The following ADAM18 variants were observed in gnomAD, a reference collection of about 807,000 sequenced individuals.
The protein encoded by ADAM18 is disintegrin and metalloproteinase domain-containing protein 18.
A neutral mutation model predicts 94.4 loss-of-function variants in ADAM18; 117 were observed. That is an observed-to-expected ratio of 1.24 (90% CI 1.07 to 1.45). ADAM18 has a LOEUF of 1.45. Ranked by LOEUF, ADAM18 falls within the 40% of genes most tolerant of loss-of-function variation. ADAM18 has a pLI of 0.00. For synonymous variants in ADAM18, 327 were observed against 291.6 expected, an observed-to-expected ratio of 1.12 and a Z score of -1.24; for missense variants, 936 against 880.0, an observed-to-expected ratio of 1.06 and a Z score of -0.81.
Position 39,729,895 on chromosome 8 carries a change from T to C in ADAM18, c.2178-3T>C. On this transcript the variant is annotated splice_polypyrimidine_tract_variant and splice_region_variant and intron_variant, in intron 19 of 19. Transcript: ENST00000265707. ...CTATTTTTTCTGTTTTTCTTCACTA[T>C]AGTAATTCATCCGTTGTATCAGAAA... The C allele has an allele frequency of 1.9e-6, 3 of 1,612,982 alleles. No individual in the cohort carries two copies. The highest frequency in any genetic ancestry group is 1.7e-6 in the Non-Finnish European group (2 of 1,178,940).
At chr8:39,683,073 T>G (rs1403081629) in intron 16 of ADAM18, among the ~76,000 whole-genome samples, 1 of 152,174 alleles carries the variant, frequency 6.6e-6, no homozygotes, top group East Asian at 1.9e-4. Context: ...GGAATATAAC[T>G]TGCAACATTA....
intron 16 of ADAM18, among the ~76,000 whole-genome samples, chr8:39,689,145 A>G (rs1337904679): frequency 6.6e-6 from 1 of 151,966 alleles, no homozygotes; most frequent in Admixed American, 6.6e-5. Context: ...ATTTTCTGCC[A>G]TTCTGTAGGC....
chr8:39,602,345 G>A (rs910722421), intron 2 of ADAM18, among the ~76,000 whole-genome samples: 20 of 152,080 alleles, frequency 1.3e-4, no homozygotes, highest in Non-Finnish European at 1.3e-4. Flanking sequence ...ACCAACATTT[G>A]CTGTTGCTTG....
At chr8:39,699,538 A>G (rs1178633792) in intron 17 of ADAM18, among the ~76,000 whole-genome samples, 1 of 152,100 alleles carries the variant, frequency 6.6e-6, no homozygotes, top group Non-Finnish European at 1.5e-5. Context: ...TGTTAATATT[A>G]TATATGAATT....
At chr8:39,654,356 C>T (rs991558036) in intron 12 of ADAM18, among the ~76,000 whole-genome samples, 27 of 151,220 alleles carry the variant, frequency 1.8e-4, no homozygotes, top group African/African-American at 3.0e-4. Flanking sequence ...AGGCGTGAGC[C>T]GCCGCACCTG....
At chr8:39,726,472 A>G (rs201998) in intron 19 of ADAM18, among the ~76,000 whole-genome samples, 11,172 of 152,076 alleles carry the variant, frequency 0.073, 538 homozygotes, top group Middle Eastern at 0.14. Flanking sequence ...TCAGATATAT[A>G]GTTTGCAAAT....
intron 18 of ADAM18, among the ~76,000 whole-genome samples, chr8:39,711,485 G>A (rs1822397349): frequency 6.6e-6 from 1 of 151,982 alleles, no homozygotes; most frequent in African/African-American, 2.4e-5. Context: ...ACACCTAAAG[G>A]AAAACATGGA....
intron 18 of ADAM18, among the ~76,000 whole-genome samples, chr8:39,716,054 C>T (rs1243252022): frequency 6.6e-6 from 1 of 151,934 alleles, no homozygotes; most frequent in Non-Finnish European, 1.5e-5. Flanking sequence ...TATGTCTCTC[C>T]TTTCATTCCT....
chr8:39,668,069 A>C lies in ADAM18; in HGVS notation c.1398A>C (p.Gly466=). The stretch of plus-strand genomic sequence containing the variant: ...GTGATTTTACAGAGTACTGCAATGG[A>C]ACCTCTAGTAATTGTGTTCCTGACA... The part of the protein sequence containing the change: ...PECDFTEYCN[G]TSSNCVPDTY... The change falls in exon 14 of 20, where the codon GGA becomes GGC. Residue 466 remains glycine (G), a synonymous_variant. Coordinates refer to ENST00000265707, the MANE Select transcript of ADAM18 (RefSeq NM_014237.3). 6.2e-7 allele frequency: 1 copy of C among 1,614,114 alleles called. No individual in the cohort carries two copies.
At chr8:39,619,378 T>C (rs1232188008) in intron 6 of ADAM18, among the ~76,000 whole-genome samples, 1 of 152,202 alleles carries the variant, frequency 6.6e-6, no homozygotes, top group Non-Finnish European at 1.5e-5. Context: ...GTTTTTCAAC[T>C]GCTTATGGAG....
At chr8:39,605,239 G>A (rs895636110) in intron 2 of ADAM18, among the ~76,000 whole-genome samples, 14 of 152,262 alleles carry the variant, frequency 9.2e-5, no homozygotes, top group African/African-American at 2.9e-4. Context: ...GAGAAATGGT[G>A]GGTTTAGTAG....
chr8:39,613,099 C>T (rs574211858), intron 6 of ADAM18, among the ~76,000 whole-genome samples: 17 of 152,218 alleles, frequency 1.1e-4, no homozygotes, highest in South Asian at 2.1e-4. Flanking sequence ...CCCAACATGC[C>T]GCTACCACCA....
chr8:39,695,995 T>C (rs1452958993), intron 17 of ADAM18, among the ~76,000 whole-genome samples: 1 of 151,516 alleles, frequency 6.6e-6, no homozygotes, highest in Non-Finnish European at 1.5e-5. Flanking sequence ...CACCATATTA[T>C]TTGCCACAGT....
intron 2 of ADAM18, among the ~76,000 whole-genome samples, chr8:39,596,151 A>C (rs140772490): frequency 1.3e-5 from 2 of 152,350 alleles, no homozygotes; most frequent in African/African-American, 4.8e-5. Flanking sequence ...GCTGACTATC[A>C]GATCTCAGAT....
At chr8:39,618,537 A>C (rs929758880) in intron 6 of ADAM18, among the ~76,000 whole-genome samples, 36 of 152,242 alleles carry the variant, frequency 2.4e-4, no homozygotes, top group Non-Finnish European at 4.8e-4. Flanking sequence ...GATTAGCAAG[A>C]TATTAATCAG....
At position 39,586,261 on chromosome 8, in the gene ADAM18, A is replaced by G. The variant is rs1818388296; in HGVS notation, c.132+909A>G. On this transcript the variant is annotated intron_variant, in intron 2 of 19. Coordinates refer to ENST00000265707, the MANE Select transcript of ADAM18 (RefSeq NM_014237.3). The stretch of plus-strand genomic sequence containing the variant: ...TTTAGAGAAGTTGGAAAGGATTTTC[A>G]TATATAAATCTTATTTATCACATTA... Among the ~76,000 whole-genome samples, 3 of 152,344 alleles carry G rather than the reference A, an allele frequency of 2.0e-5. No individual in the cohort carries two copies. The South Asian group carries it at 6.2e-4, about 32-fold the overall frequency.
At chr8:39,633,841 A>AT (rs1239728446) in intron 7 of ADAM18, among the ~76,000 whole-genome samples, 2 of 151,622 alleles carry the variant, frequency 1.3e-5, no homozygotes, top group African/African-American at 4.8e-5. Flanking sequence ...AAAAAAAAAA[A>AT]AAGGTGGGGG....
At chr8:39,698,011 T>A (rs1350000097) in intron 17 of ADAM18, among the ~76,000 whole-genome samples, 1 of 151,874 alleles carries the variant, frequency 6.6e-6, no homozygotes, top group African/African-American at 2.4e-5. Context: ...AATCATTACT[T>A]AATTTTGCTT....
intron 12 of ADAM18, among the ~76,000 whole-genome samples, chr8:39,661,373 A>C (rs1820834975): frequency 1.5e-5 from 2 of 129,640 alleles, no homozygotes; most frequent in South Asian, 4.9e-4. Context: ...TTGGGGTTTC[A>C]CCGTGTTAGC....
Sources: gnomAD v4.1 joint callset for allele counts (sites outside exome capture counted in the v4.1 genomes callset) on GRCh38, gnomAD v4.1.1 for gene constraint, MANE v1.5 for transcripts, NCBI Gene and HGNC (gene_info 2026-07-23, HGNC 2026-07-21) for gene names.